BTBD7: variants seen among roughly 807,000 people sequenced by gnomAD.
The protein encoded by BTBD7 is BTB/POZ domain-containing protein 7.
BTBD7 carries 38 observed loss-of-function variants against 99.9 expected under a neutral mutation model. The ratio of observed to expected loss-of-function variants is 0.38; its 90% CI spans 0.29 to 0.50. The LOEUF is 0.50. BTBD7 is among the 20% of genes least tolerant of loss of function. The pLI is 0.93. For synonymous variants in BTBD7, 520 were observed against 511.4 expected, an observed-to-expected ratio of 1.02 and a Z score of -0.23; for missense variants, 1,170 against 1,394.6, an observed-to-expected ratio of 0.84 and a Z score of 2.57.
chr14:93,319,670 T>G (rs1335129083), intron 1 of BTBD7, among the ~76,000 whole-genome samples: 1 of 152,170 alleles, frequency 6.6e-6, no homozygotes, highest in African/African-American at 2.4e-5. Context: ...GCAGACTTAT[T>G]AATCAACGGG....
At chr14:93,302,613 G>A (rs1025369832) in intron 1 of BTBD7, among the ~76,000 whole-genome samples, 3 of 152,120 alleles carry the variant, frequency 2.0e-5, no homozygotes, top group Admixed American at 6.6e-5. Context: ...TTGGGAGGCC[G>A]AGGCGGGCGG....
rs2139849920 is a variant in BTBD7 at position 93,332,830 on chromosome 14, C to T, written c.-117G>A. 1 of 1,477,534 alleles carries T rather than the reference C, an allele frequency of 6.8e-7. No homozygotes were observed. Among genetic ancestry groups the T allele is most frequent in the Non-Finnish European group, 8.9e-7 (1 of 1,120,388 alleles). 91.5% of individuals were successfully genotyped at this position (1,477,534 alleles called of 1,614,324 possible). A position where few individuals can be genotyped will look rare whatever the true frequency, so the allele number is the denominator to read the frequency against. On this transcript the variant is annotated 5_prime_UTR_variant, in exon 1 of 11. Coordinates refer to ENST00000334746, the MANE Select transcript of BTBD7 (RefSeq NM_001002860.4). Reference sequence around the variant, plus strand: ...CCAAGGGACACTCACCCCGGAGGCTCCTCCCGCCGCTGCTGCTGCCGCTGG... The same window carrying T: ...CCAAGGGACACTCACCCCGGAGGCTTCTCCCGCCGCTGCTGCTGCCGCTGG...
intron 3 of BTBD7, chr14:93,287,896 A>G (rs1210425356): frequency 6.6e-6 from 1 of 152,234 alleles, no homozygotes; most frequent in African/African-American, 2.4e-5. Context: ...AAGCAGGGGA[A>G]ATATCCCTAC....
intron 1 of BTBD7, among the ~76,000 whole-genome samples, chr14:93,317,167 A>G (rs1325584985): frequency 1.3e-5 from 2 of 151,990 alleles, no homozygotes; most frequent in Non-Finnish European, 2.9e-5. Flanking sequence ...CACCACACCC[A>G]ACTAATTTTT....
chr14:93,264,535 AAAGT>A (rs1250547928), intron 3 of BTBD7, among the ~76,000 whole-genome samples: 2 of 152,212 alleles, frequency 1.3e-5, no homozygotes, highest in African/African-American at 2.4e-5. Flanking sequence ...CAAACTTGAA[AAAGT>A]AAGTGAAGAG....
Position 93,251,686 on chromosome 14 carries a change from C to G in BTBD7, c.1753-34G>C, listed in dbSNP as rs764926394. The stretch of plus-strand genomic sequence containing the variant: ...ATCATTCAGTATTAACAAAACCAGT[C>G]AACCTTCCTCTGTTAAATCACATTT... On this transcript the variant is annotated intron_variant, in intron 7 of 10. Coordinates refer to ENST00000334746, the MANE Select transcript of BTBD7 (RefSeq NM_001002860.4). 13 of 1,470,596 alleles carry G rather than the reference C, an allele frequency of 8.8e-6. No homozygotes were observed. The East Asian group carries it at 3.1e-4, about 35-fold the overall frequency. 91.1% of individuals were successfully genotyped at this position (1,470,596 alleles called of 1,614,324 possible). A position where few individuals can be genotyped will look rare whatever the true frequency, so the allele number is the denominator to read the frequency against.
At chr14:93,305,844 T>G (rs942530768) in intron 1 of BTBD7, among the ~76,000 whole-genome samples, 2 of 152,192 alleles carry the variant, frequency 1.3e-5, no homozygotes, top group Non-Finnish European at 2.9e-5. Context: ...GGTGAGGGCC[T>G]TCTTGCTGTG....
intron 1 of BTBD7, among the ~76,000 whole-genome samples, 197 bp downstream of exon 1, chr14:93,332,623 G>C (rs1157205095): frequency 6.6e-6 from 1 of 151,616 alleles, no homozygotes; most frequent in Non-Finnish European, 1.5e-5. Context: ...AGACCGGCCA[G>C]TCCGGCGCCG....
chr14:93,321,135 C>T (rs1008864949), intron 1 of BTBD7, among the ~76,000 whole-genome samples: 2 of 152,196 alleles, frequency 1.3e-5, no homozygotes, highest in African/African-American at 4.8e-5. Flanking sequence ...AACATTACTG[C>T]ATTTACTGAC....
chr14:93,252,362 A>G (rs2052378365), intron 7 of BTBD7, among the ~76,000 whole-genome samples: 1 of 151,784 alleles, frequency 6.6e-6, no homozygotes, highest in African/African-American at 2.4e-5. Context: ...AAATAAACCA[A>G]ATTTTCTTTT....
rs768880925 is a variant in BTBD7, at chr14:93,245,883, G to A, written c.2525C>T (p.Ala842Val). 1.2e-6 allele frequency: 2 copies of A among 1,612,906 alleles called. No homozygotes were observed. The highest frequency in any genetic ancestry group is 8.5e-7 in the Non-Finnish European group (1 of 1,179,716). The change falls in exon 10 of 11, where the codon GCC (alanine) becomes GTC (valine). Residue 842 changes from alanine (A) to valine (V), a missense_variant. Coordinates refer to ENST00000334746, the MANE Select transcript of BTBD7 (RefSeq NM_001002860.4). ...TGTTGCTGTTGAGGTGGTGGTGGCG[G>A]CAGCAGCAGCCACCGTCTGTCTGCC... ...GLGRQTVAAA[A>V]ATTTSTATAA...
chr14:93,245,700 G>A lies in BTBD7; in HGVS notation c.2583+125C>T, dbSNP rs2052296204. 11 of 1,474,402 alleles carry A rather than the reference G, an allele frequency of 7.5e-6. No individual in the cohort carries two copies. In the East Asian group the frequency reaches 2.3e-4, roughly 30 times the overall value. 91.3% of individuals were successfully genotyped at this position (1,474,402 alleles called of 1,614,324 possible). On this transcript the variant is annotated intron_variant, in intron 10 of 10. Transcript: ENST00000334746. ...TCTTTTCCATACCCCTCAAGTCTATGCCTTCCACTTGTCAGCAATACTTCT... is the reference window on the plus strand; with the variant it reads ...TCTTTTCCATACCCCTCAAGTCTATACCTTCCACTTGTCAGCAATACTTCT...
At chr14:93,303,136 G>GA (rs1422316715) in intron 1 of BTBD7, among the ~76,000 whole-genome samples, 1 of 152,200 alleles carries the variant, frequency 6.6e-6, no homozygotes, top group African/African-American at 2.4e-5. Context: ...TTCTGTTACA[G>GA]AAAGACTACT....
chr14:93,325,728 T>C (rs2053323368), intron 1 of BTBD7, among the ~76,000 whole-genome samples: 1 of 134,620 alleles, frequency 7.4e-6, no homozygotes, highest in Non-Finnish European at 1.6e-5. Flanking sequence ...GGAGGTTTGA[T>C]TCCCAGTCTG....
At chr14:93,284,027 C>T (rs2139746100) in intron 3 of BTBD7, among the ~76,000 whole-genome samples, 1 of 152,018 alleles carries the variant, frequency 6.6e-6, no homozygotes, top group Non-Finnish European at 1.5e-5. Flanking sequence ...CTTTAACATT[C>T]TGAGTTATAT....
intron 3 of BTBD7, among the ~76,000 whole-genome samples, chr14:93,277,250 T>A (rs2052666373): frequency 6.6e-6 from 1 of 152,234 alleles, no homozygotes; most frequent in African/African-American, 2.4e-5. Context: ...GATATTTCTT[T>A]AATGTTTACT....
At chr14:93,261,998 C>T (rs2052494070) in intron 4 of BTBD7, among the ~76,000 whole-genome samples, 3 of 152,118 alleles carry the variant, frequency 2.0e-5, no homozygotes, top group Admixed American at 2.0e-4. Context: ...TGAAGTCGTA[C>T]TCTATTGCCC....
At chr14:93,250,512 C>T (rs1243672265) in intron 8 of BTBD7, among the ~76,000 whole-genome samples, 3 of 152,180 alleles carry the variant, frequency 2.0e-5, no homozygotes, top group African/African-American at 7.2e-5. Context: ...TATATGTATT[C>T]AATTAAAAGT....
At chr14:93,313,235 G>T (rs2053158526) in intron 1 of BTBD7, among the ~76,000 whole-genome samples, 1 of 152,126 alleles carries the variant, frequency 6.6e-6, no homozygotes, top group Non-Finnish European at 1.5e-5. Context: ...AGAGAATGTG[G>T]ACCTGTAGTT....
Sources: allele counts gnomAD v4.1 joint callset (sites outside exome capture counted in the v4.1 genomes callset), GRCh38; gene constraint gnomAD v4.1.1; transcripts MANE v1.5; gene names NCBI Gene and HGNC (gene_info 2026-07-23, HGNC 2026-07-21).